DNAJB12: variants seen among roughly 807,000 people sequenced by gnomAD.
DNAJB12 encodes the protein dnaJ homolog subfamily B member 12.
In DNAJB12, 14 loss-of-function variants were observed where a neutral mutation model predicts 40.6. That is an observed-to-expected ratio of 0.34 (90% CI 0.23 to 0.54). DNAJB12 has a LOEUF of 0.54. Among genes scored for constraint, DNAJB12 ranks in the 20% least tolerant of loss-of-function variants. The pLI is 0.92. For synonymous variants in DNAJB12, 181 were observed against 199.5 expected (o/e 0.91, Z 0.78); for missense variants, 444 against 501.7 (o/e 0.89, Z 1.10).
Position 72,352,586 on chromosome 10 carries a change from G to C in DNAJB12, c.133+2179C>G, listed in dbSNP as rs571846558. 2.6e-5 allele frequency among the ~76,000 whole-genome samples: 4 copies of C among 152,284 alleles called. No individual in the cohort carries two copies. The South Asian group carries it at 8.3e-4, about 32-fold the overall frequency. ...CCCACCATCAGACTGTGAACCCATGGATGATGGGGCCTGATTTTTTCATGC... is the reference window on the plus strand; with the variant it reads ...CCCACCATCAGACTGTGAACCCATGCATGATGGGGCCTGATTTTTTCATGC... On this transcript the variant is annotated intron_variant, in intron 1 of 8. Transcript: ENST00000444643.
chr10:72,343,041 A>G (rs897882697), intron 3 of DNAJB12, among the ~76,000 whole-genome samples: 1 of 152,360 alleles, frequency 6.6e-6, no homozygotes, highest in East Asian at 1.9e-4. Context: ...AAGACAGGGA[A>G]GCGCACACGG....
At chr10:72,334,799 C>G in intron 8 of DNAJB12, 182 bp from the exon 9 acceptor site, 2 of 1,383,258 alleles carry the variant, frequency 1.4e-6, no homozygotes, top group Non-Finnish European at 1.9e-6. Context: ...CAAATGGCCT[C>G]CAGGCAGAGT....
intron 3 of DNAJB12, 124 bp from the exon 4 acceptor site, chr10:72,341,294 G>T (rs1046388873): frequency 1.2e-5 from 11 of 932,838 alleles, no homozygotes; most frequent in African/African-American, 1.7e-5. Context: ...ACGTCCTTGG[G>T]GTGGGCAGGA....
chr10:72,334,123 T>C lies in DNAJB12; in HGVS notation c.*525A>G. ...GAGTTTAAAAAGTAGACTATATATATATATATCTTCATATATGCCTATTTA... is the reference window on the plus strand; with the variant it reads ...GAGTTTAAAAAGTAGACTATATATACATATATCTTCATATATGCCTATTTA... On this transcript the variant is annotated 3_prime_UTR_variant, in exon 9 of 9. Transcript: ENST00000444643. The C allele has an allele frequency of 6.1e-6, 1 of 164,762 alleles. No homozygotes were observed. Among genetic ancestry groups the C allele is most frequent in the Non-Finnish European group, 1.3e-5 (1 of 75,256 alleles). The allele number at this position is 164,762 out of a possible 1,614,324, so 10.2% of individuals were successfully genotyped here.
intron 6 of DNAJB12, among the ~76,000 whole-genome samples, chr10:72,337,861 T>C (rs1861520715): frequency 6.6e-6 from 1 of 152,034 alleles, no homozygotes; most frequent in South Asian, 2.1e-4. Context: ...CAAAACTCTG[T>C]GTGTATATGT....
Position 72,354,821 on chromosome 10 carries a change from C to G in DNAJB12, c.77G>C (p.Arg26Pro), listed in dbSNP as rs1862029549. 6.2e-7 allele frequency: 1 copy of G among 1,613,998 alleles called. No homozygotes were observed. The highest frequency in any genetic ancestry group is 8.5e-7 in the Non-Finnish European group (1 of 1,179,902). Residue 26 changes from arginine to proline, a missense_variant, in exon 1 of 9, where the codon CGG becomes CCG. Transcript: ENST00000444643. ...LKAIQSNQPD[R>P]ALRFLEKAQR... ...TGCCTTCTCCAGGAAGCGGAGCGCC[C>G]GGTCGGGCTGGTTGCTCTGGATGGC...
rs1294514229 is a variant in DNAJB12 at position 72,354,882 on chromosome 10, C to G, written c.16G>C (p.Asp6His). The change falls in exon 1 of 9, where the codon GAT (aspartate) becomes CAT (histidine). Residue 6 changes from aspartate (D) to histidine (H), a missense_variant. Transcript: ENST00000444643. Reference sequence around the variant, plus strand: ...ATGCTGATACAGCGCTCAGCTTCATCCTTGTTGGATTCCATGGCGGAACCA... The same window carrying G: ...ATGCTGATACAGCGCTCAGCTTCATGCTTGTTGGATTCCATGGCGGAACCA... MESNK[D>H]EAERCISIAL... 1 of 1,614,078 alleles carries G rather than the reference C, an allele frequency of 6.2e-7. No homozygotes were observed. Among genetic ancestry groups the G allele is most frequent in the East Asian group, 2.2e-5 (1 of 44,878 alleles).
At chr10:72,341,311 G>A in intron 3 of DNAJB12, 141 bp from the exon 4 acceptor site, 2 of 793,870 alleles carry the variant, frequency 2.5e-6, no homozygotes, top group Non-Finnish European at 3.9e-6. Context: ...AGGAAGCTTG[G>A]CCAGTGTAAG....
chr10:72,340,263 G>A (rs1589125855), intron 5 of DNAJB12, among the ~76,000 whole-genome samples: 1 of 151,976 alleles, frequency 6.6e-6, no homozygotes, highest in Non-Finnish European at 1.5e-5. Flanking sequence ...AGAATGGCTT[G>A]AACCCGGGAG....
At chr10:72,347,585 A>T (rs1861823805) in intron 1 of DNAJB12, among the ~76,000 whole-genome samples, 1 of 152,222 alleles carries the variant, frequency 6.6e-6, no homozygotes, top group Non-Finnish European at 1.5e-5. Flanking sequence ...TCTATACAGG[A>T]CATTAACTAT....
intron 1 of DNAJB12, among the ~76,000 whole-genome samples, chr10:72,345,932 C>A (rs1425690363): frequency 6.7e-6 from 1 of 148,950 alleles, no homozygotes; most frequent in South Asian, 2.1e-4. Context: ...GGATAGAGGT[C>A]TTTTTCGTTT....
chr10:72,346,506 G>C (rs1317011426), intron 1 of DNAJB12, among the ~76,000 whole-genome samples: 2 of 152,174 alleles, frequency 1.3e-5, no homozygotes, highest in African/African-American at 4.8e-5. Context: ...TTGTATTTTA[G>C]TAGAGATGGG....
At chr10:72,338,108 C>G in intron 6 of DNAJB12, 94 bp downstream of exon 6, 1 of 1,059,322 alleles carries the variant, frequency 9.4e-7, no homozygotes, top group Non-Finnish European at 1.4e-6. Flanking sequence ...TGATCGCACA[C>G]TGGCTGGATC....
intron 3 of DNAJB12, among the ~76,000 whole-genome samples, chr10:72,343,016 C>T (rs966376977): frequency 6.6e-6 from 1 of 152,222 alleles, no homozygotes; most frequent in Non-Finnish European, 1.5e-5. Flanking sequence ...CCCCAGTGGG[C>T]AGCTATGAGA....
intron 1 of DNAJB12, among the ~76,000 whole-genome samples, chr10:72,346,225 G>A (rs192266280): frequency 1.3e-5 from 2 of 150,682 alleles, no homozygotes; most frequent in African/African-American, 2.4e-5. Context: ...GTGCAGTGGT[G>A]CGATCTCAGC....
chr10:72,354,437 TGGG>T lies in DNAJB12; in HGVS notation c.133+325_133+327del. 1.6e-5 allele frequency: 5 copies of T among 304,154 alleles called. No homozygotes were observed. The South Asian group carries it at 1.7e-4, about 10-fold the overall frequency. The allele number at this position is 304,154 out of a possible 1,614,324, so 18.8% of individuals were successfully genotyped here. ...TGGCCTGGGCTACCGAACGGCCCCTTGGGAAAAGTAGTTCGAGTTCACTTCCAG... is the reference window on the plus strand; with the variant it reads ...TGGCCTGGGCTACCGAACGGCCCCTTAAAAGTAGTTCGAGTTCACTTCCAG... On this transcript the variant is annotated intron_variant, in intron 1 of 8. Coordinates refer to ENST00000444643, the MANE Select transcript of DNAJB12 (RefSeq NM_017626.7).
At chr10:72,348,599 G>T (rs1041548070) in intron 1 of DNAJB12, among the ~76,000 whole-genome samples, 2 of 152,238 alleles carry the variant, frequency 1.3e-5, no homozygotes, top group African/African-American at 4.8e-5. Context: ...TGGGAACAGA[G>T]TATGGGGCTC....
At chr10:72,349,190 T>C (rs982589308) in intron 1 of DNAJB12, among the ~76,000 whole-genome samples, 4 of 152,112 alleles carry the variant, frequency 2.6e-5, no homozygotes, top group African/African-American at 9.7e-5. Context: ...CCTGGTTTCG[T>C]CACGGTGGCG....
chr10:72,341,073 A>G lies in DNAJB12; in HGVS notation c.555T>C (p.His185=), dbSNP rs41282266. ...DDKSQAARHG[H]GHGDFHRGFE... is the part of the protein sequence containing the mutation. ...AGCCACGGTGGAAATCCCCATGCCCATGGCCGTGCCGGGCCGCCTGGCTCT... is the reference window on the plus strand; with the variant it reads ...AGCCACGGTGGAAATCCCCATGCCCGTGGCCGTGCCGGGCCGCCTGGCTCT... The change falls in exon 4 of 9, where the codon CAT becomes CAC. Residue 185 remains histidine, a synonymous_variant. Coordinates refer to ENST00000444643, the MANE Select transcript of DNAJB12 (RefSeq NM_017626.7). The G allele has an allele frequency of 0.011, 18,554 of 1,614,174 alleles. 156 individuals carry two copies. The highest frequency in any genetic ancestry group is 0.013 in the Non-Finnish European group (15,392 of 1,180,018).
Sources: allele counts gnomAD v4.1 joint callset (sites outside exome capture counted in the v4.1 genomes callset), GRCh38; gene constraint gnomAD v4.1.1; transcripts MANE v1.5; gene names NCBI Gene and HGNC (gene_info 2026-07-23, HGNC 2026-07-21).